Variants in MYO10 observed in about 807,000 individuals in gnomAD.
MYO10 encodes myosin X, also known as unconventional myosin-X.
Under a neutral mutation model 257.3 loss-of-function variants are expected in MYO10, and 133 were observed. The observed-to-expected ratio is 0.52, with a 90% CI of 0.45 to 0.60. MYO10 has a LOEUF of 0.60. MYO10 is among the 20% of genes least tolerant of loss of function. The pLI is 0.00. For missense variants in MYO10, 2,399 were observed against 2,635.7 expected (o/e 0.91, Z 1.97); for synonymous variants, 1,104 against 1,028.6 (o/e 1.07, Z -1.40).
intron 2 of MYO10, among the ~76,000 whole-genome samples, chr5:16,823,304 G>A (rs1466759039): frequency 6.7e-6 from 1 of 148,540 alleles, no homozygotes; most frequent in African/African-American, 2.5e-5. Context: ...AATTAGCCAG[G>A]CATGGTGGCA....
intron 1 of MYO10, among the ~76,000 whole-genome samples, chr5:16,912,749 C>T (rs1745692164): frequency 6.7e-6 from 1 of 149,070 alleles, no homozygotes; most frequent in Non-Finnish European, 1.5e-5. Context: ...GTTGAGTATT[C>T]TGTTTATAGC....
Position 16,663,032 on chromosome 5 carries a change from T to A in MYO10, c.*3660A>T, listed in dbSNP as rs1039289779. On this transcript the variant is annotated 3_prime_UTR_variant, in exon 41 of 41. Transcript: ENST00000513610. ...AATACAGATGGCCTTATCCTGTTTT[T>A]CCACAGAGCTATCTGAGGTACTATA... 5 of 152,202 alleles carry A rather than the reference T, an allele frequency of 3.3e-5. No homozygotes were observed. Among genetic ancestry groups the A allele is most frequent in the Non-Finnish European group, 7.3e-5 (5 of 68,040 alleles). 9.4% of individuals were successfully genotyped at this position (152,202 alleles called of 1,614,324 possible). A position where few individuals can be genotyped will look rare whatever the true frequency, so the allele number is the denominator to read the frequency against.
intron 1 of MYO10, among the ~76,000 whole-genome samples, chr5:16,892,883 C>G (rs1745101806): frequency 6.6e-6 from 1 of 152,030 alleles, no homozygotes; most frequent in Non-Finnish European, 1.5e-5. Context: ...CAGCTACTTT[C>G]CAGACACAAA....
chr5:16,698,736 G>A (rs2126542367), intron 26 of MYO10, among the ~76,000 whole-genome samples: 1 of 143,870 alleles, frequency 7.0e-6, no homozygotes, highest in East Asian at 2.0e-4. Flanking sequence ...CCATTCTCCT[G>A]CCTCAGCCTC....
chr5:16,818,332 ATCTCTC>A (rs536159757), intron 2 of MYO10, among the ~76,000 whole-genome samples, 165 bp from the exon 3 acceptor site: 50 of 142,582 alleles, frequency 3.5e-4, no homozygotes, highest in African/African-American at 1.1e-3. Context: ...TATGTCACCT[ATCTCTC>A]TCTCTCTCTC....
At chr5:16,816,219 G>A (rs1742603165) in intron 3 of MYO10, among the ~76,000 whole-genome samples, 1 of 151,326 alleles carries the variant, frequency 6.6e-6, no homozygotes, top group Admixed American at 6.6e-5. Flanking sequence ...CACGCCTGTA[G>A]TCCCAGCTAC....
intron 14 of MYO10, among the ~76,000 whole-genome samples, 188 bp from the exon 15 acceptor site, chr5:16,762,825 G>C (rs563544217): frequency 6.6e-6 from 1 of 151,932 alleles, no homozygotes; most frequent in Non-Finnish European, 1.5e-5. Context: ...TTAACTGGGC[G>C]TGGTGGCATA....
At chr5:16,715,552 C>T (rs1198287964) in intron 19 of MYO10, among the ~76,000 whole-genome samples, 1 of 69,220 alleles carries the variant, frequency 1.4e-5, no homozygotes, top group Non-Finnish European at 3.6e-5. Flanking sequence ...TGCCTGCCTC[C>T]GCCTCCCAAA....
intron 1 of MYO10, among the ~76,000 whole-genome samples, chr5:16,928,894 A>T (rs1438238733): frequency 6.6e-6 from 1 of 151,802 alleles, no homozygotes; most frequent in Non-Finnish European, 1.5e-5. Context: ...TTAGAAGGAA[A>T]CAGAAGGCGC....
At chr5:16,705,809 T>C (rs113756348) in intron 21 of MYO10, among the ~76,000 whole-genome samples, 1 of 152,160 alleles carries the variant, frequency 6.6e-6, no homozygotes. Flanking sequence ...TAAAACTCCA[T>C]CACAAATCAT....
intron 19 of MYO10, among the ~76,000 whole-genome samples, chr5:16,740,575 C>T (rs890902207): frequency 2.0e-5 from 3 of 152,028 alleles, no homozygotes; most frequent in African/African-American, 7.2e-5. Flanking sequence ...GGAGGGAAGC[C>T]GACCGACTGG....
rs181706603 is a variant in MYO10 at position 16,681,304 on chromosome 5, G to T, written c.4384+5C>A. The T allele has an allele frequency of 4.4e-5, 70 of 1,605,090 alleles. No homozygotes were observed. In the African/African-American group the frequency reaches 9.0e-4, roughly 21 times the overall value. ...GCTCAGGGTTCGGGCAGCCAGCCTG[G>T]TTACCTGTCTCTTTGAATATCTTCT... On this transcript the variant is annotated splice_donor_5th_base_variant and intron_variant, in intron 32 of 40. Transcript: ENST00000513610.
Position 16,881,399 on chromosome 5 carries a change from T to C in MYO10, c.22-3692A>G, listed in dbSNP as rs114036736. 7.5e-3 allele frequency among the ~76,000 whole-genome samples: 1,141 copies of C among 152,318 alleles called. 16 individuals are homozygous for C. Among genetic ancestry groups the C allele is most frequent in the African/African-American group, 0.026 (1,089 of 41,576 alleles). On this transcript the variant is annotated intron_variant, in intron 1 of 40. Coordinates refer to ENST00000513610, the MANE Select transcript of MYO10 (RefSeq NM_012334.3). ...TTGAAAGTACTACAAAAGCCCTTTG[T>C]TGACACAGTGCTTTATGATCAAATA...
intron 3 of MYO10, among the ~76,000 whole-genome samples, chr5:16,815,657 C>G (rs535501926): frequency 1.0e-3 from 155 of 152,272 alleles, no homozygotes; most frequent in African/African-American, 3.6e-3. Context: ...GCTATGTAAA[C>G]AAATAGTTAC....
At chr5:16,739,551 GAGAA>G (rs1739939239) in intron 19 of MYO10, among the ~76,000 whole-genome samples, 1 of 152,068 alleles carries the variant, frequency 6.6e-6, no homozygotes, top group South Asian at 2.1e-4. Context: ...TTACCTTAAG[GAGAA>G]AGTATTTGTG....
intron 1 of MYO10, among the ~76,000 whole-genome samples, chr5:16,909,959 C>T (rs1745617494): frequency 6.6e-6 from 1 of 152,144 alleles, no homozygotes; most frequent in South Asian, 2.1e-4. Flanking sequence ...GGCTTTTGCT[C>T]TGAGTGGAAG....
At chr5:16,716,275 GATTAATA>G (rs1402133925) in intron 19 of MYO10, among the ~76,000 whole-genome samples, 1 of 151,856 alleles carries the variant, frequency 6.6e-6, no homozygotes, top group Non-Finnish European at 1.5e-5. Flanking sequence ...GATTAATAAT[GATTAATA>G]ACAGGGCACA....
At chr5:16,918,500 CTT>C (rs5866221) in intron 1 of MYO10, among the ~76,000 whole-genome samples, 2 of 117,692 alleles carry the variant, frequency 1.7e-5, no homozygotes, top group Non-Finnish European at 1.7e-5. Flanking sequence ...TTTTTCTTTT[CTT>C]TTTTTTTTTT....
chr5:16,704,820 G>A, intron 21 of MYO10, 135 bp from the exon 22 acceptor site: 1 of 654,866 alleles, frequency 1.5e-6, no homozygotes, highest in Non-Finnish European at 2.6e-6. Flanking sequence ...ATGCTTTCTA[G>A]AATAGTGCTT....
Sources: allele counts gnomAD v4.1 joint callset (sites outside exome capture counted in the v4.1 genomes callset), GRCh38; gene constraint gnomAD v4.1.1; transcripts MANE v1.5; gene names NCBI Gene and HGNC (gene_info 2026-07-23, HGNC 2026-07-21).